AP3D1: variants seen among roughly 807,000 people sequenced by gnomAD.
The protein encoded by AP3D1 is adaptor related protein complex 3 subunit delta 1.
Under a neutral mutation model 147.6 loss-of-function variants are expected in AP3D1, and 51 were observed. The observed-to-expected ratio is 0.35, with a 90% CI of 0.28 to 0.44. The LOEUF is 0.44. AP3D1 is among the 20% of genes least tolerant of loss of function. The probability of loss-of-function intolerance (pLI) is 1.00; values close to 1 mark genes in which losing one functional copy is unlikely to be tolerated. For synonymous variants in AP3D1, 760 were observed against 663.0 expected, an observed-to-expected ratio of 1.15 and a Z score of -2.25; for missense variants, 1,421 against 1,624.2, an observed-to-expected ratio of 0.87 and a Z score of 2.15.
chr19:2,124,944 C>G (rs1042387919), intron 9 of AP3D1, among the ~76,000 whole-genome samples: 6 of 151,998 alleles, frequency 3.9e-5, no homozygotes, highest in East Asian at 1.9e-4. Flanking sequence ...CGCGATCCCC[C>G]CCACCGCCCC....
At chr19:2,116,024 G>A (rs1408532111) in intron 18 of AP3D1, among the ~76,000 whole-genome samples, 183 bp downstream of exon 18, 1 of 152,258 alleles carries the variant, frequency 6.6e-6, no homozygotes, top group African/African-American at 2.4e-5. Context: ...CCGGCTGGAG[G>A]CTCGAATGAA....
chr19:2,111,538 GCCAGTCCCCTGCCC>G (rs2018276825), intron 25 of AP3D1, 127 bp downstream of exon 25: 2 of 1,284,436 alleles, frequency 1.6e-6, no homozygotes, highest in African/African-American at 3.0e-5. Context: ...GCGGGCCAGG[GCCAGTCCCCTGCCC>G]CCGCCAGGCT....
At chr19:2,158,373 T>TC (rs1386462243) in intron 1 of AP3D1, among the ~76,000 whole-genome samples, 1 of 150,860 alleles carries the variant, frequency 6.6e-6, no homozygotes, top group Non-Finnish European at 1.5e-5. Context: ...TTTTTTTTTT[T>TC]AGAGATAGGG....
intron 1 of AP3D1, among the ~76,000 whole-genome samples, chr19:2,142,480 C>A (rs560985395): frequency 3.9e-5 from 6 of 152,336 alleles, no homozygotes; most frequent in African/African-American, 1.4e-4. Flanking sequence ...ACTTCCGATT[C>A]TCAGTCCTTC....
intron 4 of AP3D1, among the ~76,000 whole-genome samples, chr19:2,133,040 G>T (rs1486258103): frequency 6.6e-6 from 1 of 152,178 alleles, no homozygotes; most frequent in Non-Finnish European, 1.5e-5. Flanking sequence ...GGCCACCCCG[G>T]GTGCAAGAGC....
intron 23 of AP3D1, 72 bp from the exon 24 acceptor site, chr19:2,113,039 TC>T: frequency 9.0e-7 from 1 of 1,108,704 alleles, no homozygotes; most frequent in Non-Finnish European, 1.3e-6. Context: ...CCAGACAGCC[TC>T]CATGCCACAC....
At chr19:2,159,730 T>C (rs1404192056) in intron 1 of AP3D1, among the ~76,000 whole-genome samples, 2 of 149,688 alleles carry the variant, frequency 1.3e-5, no homozygotes, top group East Asian at 4.0e-4. Flanking sequence ...AGACGGAGTC[T>C]TGTTCTGTCT....
rs1201302436 is a variant in AP3D1 at position 2,129,432 on chromosome 19, G to A, written c.618C>T (p.Val206=). The part of the protein sequence containing the change: ...DPGVQSAAVN[V]ICELARRNPK... ...GGTTGCGTCTGGCCAGCTCGCAGAT[G>A]ACATTGACGGCAGCCGACTGAACCC... The change falls in exon 7 of 32, where the codon GTC becomes GTT. Residue 206 remains valine, a synonymous_variant. Coordinates refer to ENST00000643116, the MANE Select transcript of AP3D1 (RefSeq NM_001261826.3). 9 of 1,614,064 alleles carry A rather than the reference G, an allele frequency of 5.6e-6. No individual in the cohort carries two copies. The East Asian group carries it at 8.9e-5, about 16-fold the overall frequency.
At chr19:2,106,016 G>A (rs990482074) in intron 31 of AP3D1, among the ~76,000 whole-genome samples, 2 of 152,062 alleles carry the variant, frequency 1.3e-5, no homozygotes, top group African/African-American at 2.4e-5. Flanking sequence ...AGAATCGCTT[G>A]AACCCGGGAG....
chr19:2,138,727 A>T lies in AP3D1; in HGVS notation c.97-13T>A. 1 of 1,573,460 alleles carries T rather than the reference A, an allele frequency of 6.4e-7. No homozygotes were observed. The highest frequency in any genetic ancestry group is 1.7e-4 in the Middle Eastern group (1 of 5,980). ...ATATGTATTTTGCCTATAATGGGGG[A>T]TAAACACAGAGATTACAAACATCCA... On this transcript the variant is annotated splice_polypyrimidine_tract_variant and intron_variant, in intron 1 of 31. Transcript: ENST00000643116.
chr19:2,112,164 A>G (rs1568278188), intron 24 of AP3D1: 1 of 369,566 alleles, frequency 2.7e-6, no homozygotes, highest in Non-Finnish European at 5.1e-6. Context: ...GAACACACAC[A>G]TCCACGCGCA....
rs1347648643 is a variant in AP3D1, at chr19:2,112,902, C to T, written c.2745G>A (p.Ala915=). 15 of 1,613,262 alleles carry T rather than the reference C, an allele frequency of 9.3e-6. No homozygotes were observed. Among genetic ancestry groups the T allele is most frequent in the East Asian group, 6.7e-5 (3 of 44,838 alleles). ...KDECEDAKTE[A]QGEEDDAEGQ... ...CCTCGGCATCGTCCTCCTCGCCCTG[C>T]GCCTCCGTCTTGGCGTCCTCACACT... The change falls in exon 24 of 32, where the codon GCG becomes GCA. Residue 915 remains alanine, a synonymous_variant. Coordinates refer to ENST00000643116, the MANE Select transcript of AP3D1 (RefSeq NM_001261826.3).
intron 22 of AP3D1, among the ~76,000 whole-genome samples, 178 bp downstream of exon 22, chr19:2,113,947 A>G (rs2018359778): frequency 6.6e-6 from 1 of 152,172 alleles, no homozygotes; most frequent in East Asian, 1.9e-4. Context: ...ACAAGTGCAC[A>G]GTCAGCTCCC....
intron 29 of AP3D1, chr19:2,109,541 G>T (rs373603873): frequency 2.1e-6 from 1 of 486,768 alleles, no homozygotes; most frequent in South Asian, 2.7e-5. Context: ...TGAGGACTCA[G>T]GGGGGAGGGG....
intron 1 of AP3D1, among the ~76,000 whole-genome samples, chr19:2,158,315 C>T (rs963020033): frequency 1.3e-5 from 2 of 151,630 alleles, no homozygotes; most frequent in African/African-American, 4.8e-5. Context: ...CTCGGCCTCC[C>T]AAAGTGCTGG....
intron 18 of AP3D1, among the ~76,000 whole-genome samples, 186 bp from the exon 19 acceptor site, chr19:2,115,799 T>C (rs890498917): frequency 5.3e-5 from 8 of 152,322 alleles, no homozygotes; most frequent in African/African-American, 1.9e-4. Flanking sequence ...TTTAAGACAG[T>C]GAGGACTGGA....
At chr19:2,164,130 C>T (rs1414840051) in intron 1 of AP3D1, 11 of 911,840 alleles carry the variant, frequency 1.2e-5, no homozygotes, top group Non-Finnish European at 1.5e-5. Flanking sequence ...CACCGGCGGC[C>T]CCGCCCCTCC....
intron 1 of AP3D1, among the ~76,000 whole-genome samples, chr19:2,162,831 C>T (rs2019745789): frequency 6.6e-6 from 1 of 151,974 alleles, no homozygotes; most frequent in African/African-American, 2.4e-5. Flanking sequence ...CGTCACCCAG[C>T]AGGGAAGGGG....
chr19:2,151,330 G>A lies in AP3D1; in HGVS notation c.5C>T (p.Ala2Val), dbSNP rs1299424131. Residue 2 changes from alanine (A) to valine (V), a missense_variant, in exon 1 of 32, where the codon GCC (alanine) becomes GTC (valine). By Grantham distance (64) the Ala-to-Val change is moderately conservative. Coordinates refer to ENST00000643116, the MANE Select transcript of AP3D1 (RefSeq NM_001261826.3). MALKMVKGSIDR... is the reference protein window; with the variant it reads MVLKMVKGSIDR... ...GATGCTGCCCTTCACCATCTTGAGGGCCATCGCGGCGGCCCACGGGCTTTT... is the reference window on the plus strand; with the variant it reads ...GATGCTGCCCTTCACCATCTTGAGGACCATCGCGGCGGCCCACGGGCTTTT... 3 of 1,583,036 alleles carry A rather than the reference G, an allele frequency of 1.9e-6. No individual in the cohort carries two copies. The highest frequency in any genetic ancestry group is 1.1e-5 in the South Asian group (1 of 88,190).
Sources: gnomAD v4.1 joint callset for allele counts (sites outside exome capture counted in the v4.1 genomes callset) on GRCh38, gnomAD v4.1.1 for gene constraint, MANE v1.5 for transcripts, NCBI Gene and HGNC (gene_info 2026-07-23, HGNC 2026-07-21) for gene names.